The following ARHGAP15 variants were observed in gnomAD, a reference collection of about 807,000 sequenced individuals.
ARHGAP15 encodes the protein Rho GTPase activating protein 15.
Under a neutral mutation model 63.7 loss-of-function variants are expected in ARHGAP15, and 51 were observed. The ratio of observed to expected loss-of-function variants is 0.80; its 90% CI spans 0.64 to 1.01. The LOEUF (loss-of-function observed/expected upper bound fraction) is 1.01. Ranked by LOEUF, ARHGAP15 falls within the 50% of genes least tolerant of loss-of-function variation. The pLI, the probability that ARHGAP15 is intolerant of heterozygous loss-of-function variation, is 0.00. For synonymous variants in ARHGAP15, 191 were observed against 193.8 expected, an observed-to-expected ratio of 0.99 and a Z score of 0.12; for missense variants, 560 against 564.6, an observed-to-expected ratio of 0.99 and a Z score of 0.08.
intron 6 of ARHGAP15, among the ~76,000 whole-genome samples, chr2:143,335,256 T>G (rs1171647735): frequency 6.6e-6 from 1 of 152,222 alleles, no homozygotes; most frequent in African/African-American, 2.4e-5. Flanking sequence ...AGCTGTGCAG[T>G]GAGAAAATCA....
At chr2:143,488,423 A>G (rs1692423042) in intron 9 of ARHGAP15, among the ~76,000 whole-genome samples, 2 of 152,252 alleles carry the variant, frequency 1.3e-5, no homozygotes, top group African/African-American at 2.4e-5. Flanking sequence ...CTTACAGAAT[A>G]TACAGACTAA....
intron 11 of ARHGAP15, among the ~76,000 whole-genome samples, chr2:143,558,846 T>C (rs1202139795): frequency 6.6e-6 from 1 of 152,328 alleles, no homozygotes; most frequent in Admixed American, 6.5e-5. Context: ...TTTTGGCCAC[T>C]TGCCACATGA....
intron 8 of ARHGAP15, among the ~76,000 whole-genome samples, chr2:143,445,153 ATTT>A (rs10671306): frequency 2.7e-5 from 2 of 74,426 alleles, no homozygotes; most frequent in African/African-American, 5.4e-5. Flanking sequence ...AAGAACAATT[ATTT>A]TTTTTTTTTT....
At chr2:143,724,024 G>A (rs930654507) in intron 13 of ARHGAP15, among the ~76,000 whole-genome samples, 12 of 151,152 alleles carry the variant, frequency 7.9e-5, no homozygotes, top group African/African-American at 2.9e-4. Flanking sequence ...CCTTATCATA[G>A]AAATAATACC....
intron 6 of ARHGAP15, among the ~76,000 whole-genome samples, chr2:143,290,269 C>A (rs1196185907): frequency 6.6e-6 from 1 of 151,744 alleles, no homozygotes; most frequent in African/African-American, 2.4e-5. Context: ...GGAAGGAGAG[C>A]TAAATAAGAC....
intron 8 of ARHGAP15, among the ~76,000 whole-genome samples, chr2:143,454,670 C>T (rs910933815): frequency 2.0e-5 from 3 of 152,022 alleles, no homozygotes; most frequent in Admixed American, 6.6e-5. Context: ...ATTTTTCTTA[C>T]GTTCATAATA....
intron 13 of ARHGAP15, among the ~76,000 whole-genome samples, chr2:143,745,688 G>T (rs4662214): frequency 0.65 from 98,568 of 152,118 alleles, 35,278 homozygotes; most frequent in Non-Finnish European, 0.81. Flanking sequence ...TGCAATTGAT[G>T]GCTGTGCTTG....
chr2:143,335,165 A>G (rs1356973345), intron 6 of ARHGAP15, among the ~76,000 whole-genome samples: 8 of 152,228 alleles, frequency 5.3e-5, no homozygotes, highest in Admixed American at 5.2e-4. Flanking sequence ...ACTTTTATTG[A>G]GAATCCCAAG....
intron 6 of ARHGAP15, among the ~76,000 whole-genome samples, chr2:143,258,814 ATTC>A (rs1680558305): frequency 1.3e-5 from 2 of 152,152 alleles, no homozygotes; most frequent in Non-Finnish European, 2.9e-5. Context: ...GAGCTATTAG[ATTC>A]TTGACCTCAG....
chr2:143,462,432 C>G lies in ARHGAP15; in HGVS notation c.704-24941C>G, dbSNP rs530361971. 2.1e-4 allele frequency among the ~76,000 whole-genome samples: 32 copies of G among 151,576 alleles called. No homozygotes were observed. The South Asian group carries it at 6.3e-3, about 30-fold the overall frequency. ...TAAGTCTTCTGCAATGCCATGATAGCAAAAAAAAGGCACAAAGTTTTACTG... is the reference window on the plus strand; with the variant it reads ...TAAGTCTTCTGCAATGCCATGATAGGAAAAAAAAGGCACAAAGTTTTACTG... On this transcript the variant is annotated intron_variant, in intron 8 of 13. Transcript: ENST00000295095.
intron 12 of ARHGAP15, among the ~76,000 whole-genome samples, chr2:143,685,351 A>G (rs1225628797): frequency 6.6e-6 from 1 of 152,218 alleles, no homozygotes; most frequent in Admixed American, 6.5e-5. Flanking sequence ...GCAAATCTGT[A>G]AGAATTTGGT....
intron 9 of ARHGAP15, among the ~76,000 whole-genome samples, chr2:143,490,018 G>A (rs1692510328): frequency 6.6e-6 from 1 of 152,002 alleles, no homozygotes; most frequent in Non-Finnish European, 1.5e-5. Flanking sequence ...TTTTTGTTTT[G>A]TGATGGAGTC....
chr2:143,548,306 C>G (rs1005103400), intron 10 of ARHGAP15, among the ~76,000 whole-genome samples: 11 of 151,974 alleles, frequency 7.2e-5, no homozygotes, highest in African/African-American at 2.7e-4. Flanking sequence ...AAAGCATTCT[C>G]CTTTCTGATT....
intron 6 of ARHGAP15, 174 bp from the exon 7 acceptor site, chr2:143,435,427 T>C: frequency 8.1e-7 from 1 of 1,230,146 alleles, no homozygotes; most frequent in Non-Finnish European, 1.1e-6. Context: ...AAAAACAGTT[T>C]ATAGAGAGCG....
At position 143,317,825 on chromosome 2, in the gene ARHGAP15, G is replaced by A. The variant is rs577138720; in HGVS notation, c.474+67225G>A. Reference sequence around the variant, plus strand: ...GGTTAGGAGATTGCTCATCCGAAGCGGAAAGAATAGCCTGGGTGAAAGTGT... The same window carrying A: ...GGTTAGGAGATTGCTCATCCGAAGCAGAAAGAATAGCCTGGGTGAAAGTGT... On this transcript the variant is annotated intron_variant, in intron 6 of 13. Transcript: ENST00000295095. Among the ~76,000 whole-genome samples, 18 of 152,236 alleles carry A rather than the reference G, an allele frequency of 1.2e-4. No homozygotes were observed. In the South Asian group the frequency reaches 3.1e-3, roughly 26 times the overall value.
chr2:143,452,450 A>G (rs1398586358), intron 8 of ARHGAP15, among the ~76,000 whole-genome samples: 2 of 151,944 alleles, frequency 1.3e-5, no homozygotes, highest in Admixed American at 1.3e-4. Context: ...ATCTTAACGG[A>G]TGGAAGCACA....
At chr2:143,521,435 C>G (rs1386735169) in intron 10 of ARHGAP15, among the ~76,000 whole-genome samples, 2 of 152,128 alleles carry the variant, frequency 1.3e-5, no homozygotes, top group African/African-American at 4.8e-5. Flanking sequence ...TTACGAAATT[C>G]TGGCATAAAG....
At chr2:143,673,784 A>ATATATATATATATATATG (rs71404481) in intron 12 of ARHGAP15, among the ~76,000 whole-genome samples, 2 of 114,214 alleles carry the variant, frequency 1.8e-5, no homozygotes, top group African/African-American at 5.7e-5. Flanking sequence ...ATATATATAT[A>ATATATATATATATATATG]AACAACTCCT....
intron 1 of ARHGAP15, among the ~76,000 whole-genome samples, chr2:143,152,909 TAG>T (rs994401246): frequency 6.6e-6 from 1 of 151,678 alleles, no homozygotes; most frequent in Non-Finnish European, 1.5e-5. Context: ...AACATTGTGG[TAG>T]AGAGAGAGAT....
Sources: allele counts gnomAD v4.1 joint callset (sites outside exome capture counted in the v4.1 genomes callset), GRCh38; gene constraint gnomAD v4.1.1; transcripts MANE v1.5; gene names NCBI Gene and HGNC (gene_info 2026-07-23, HGNC 2026-07-21).